MED13L: variants seen among roughly 807,000 people sequenced by gnomAD.
The protein encoded by MED13L is mediator of RNA polymerase II transcription subunit 13-like.
In MED13L, 7 loss-of-function variants were observed where a neutral mutation model predicts 220.9. The observed-to-expected ratio is 0.03, with a 90% CI of 0.02 to 0.06. The LOEUF is 0.06. Ranked by LOEUF, MED13L falls within the 10% of genes least tolerant of loss-of-function variation. The pLI, the probability that MED13L is intolerant of heterozygous loss-of-function variation, is 1.00. For synonymous variants in MED13L, 1,011 were observed against 1,015.2 expected (o/e 1.00, Z 0.08); for missense variants, 1,965 against 2,760.5 (o/e 0.71, Z 6.46).
At chr12:116,251,793 A>G (rs1233677605) in intron 1 of MED13L, among the ~76,000 whole-genome samples, 7 of 151,692 alleles carry the variant, frequency 4.6e-5, no homozygotes, top group Non-Finnish European at 8.8e-5. Flanking sequence ...ACTACATGTT[A>G]CCTACAAGAA....
chr12:116,181,255 C>T (rs1880499180), intron 2 of MED13L: 3 of 151,416 alleles, frequency 2.0e-5, no homozygotes, highest in South Asian at 2.1e-4. Flanking sequence ...ACAGTCCCCT[C>T]GAAATCTAAC....
chr12:115,975,083 T>C, intron 25 of MED13L, 88 bp downstream of exon 25: 6 of 1,345,368 alleles, frequency 4.5e-6, no homozygotes, highest in East Asian at 4.6e-5. Flanking sequence ...CTTACAAATT[T>C]AAACATTTTC....
intron 4 of MED13L, among the ~76,000 whole-genome samples, chr12:116,090,741 A>C (rs1872130638): frequency 6.6e-6 from 1 of 152,164 alleles, no homozygotes; most frequent in East Asian, 1.9e-4. Context: ...ACAAGGAGAG[A>C]TTTGTTTTGA....
intron 26 of MED13L, 41 bp from the exon 27 acceptor site, chr12:115,970,811 C>A (rs760590364): frequency 2.5e-6 from 4 of 1,585,170 alleles, no homozygotes; most frequent in South Asian, 1.1e-5. Flanking sequence ...CAATGAACAA[C>A]CCCAGAAATG....
chr12:115,995,102 A>G (rs1294690916), intron 16 of MED13L, among the ~76,000 whole-genome samples: 3 of 152,146 alleles, frequency 2.0e-5, no homozygotes, highest in African/African-American at 4.8e-5. Flanking sequence ...TCTTTCTGAC[A>G]CTGACTTTAT....
At chr12:116,161,637 C>A (rs980145895) in intron 2 of MED13L, among the ~76,000 whole-genome samples, 3 of 152,118 alleles carry the variant, frequency 2.0e-5, no homozygotes, top group African/African-American at 7.2e-5. Flanking sequence ...AACTACAATG[C>A]AAACAAGCAA....
chr12:116,167,992 AT>A (rs1050658324), intron 2 of MED13L, among the ~76,000 whole-genome samples: 5 of 152,188 alleles, frequency 3.3e-5, no homozygotes, highest in Non-Finnish European at 7.4e-5. Context: ...TTTAAAAAAA[AT>A]AAAAATCATT....
chr12:115,961,689 C>T, intron 30 of MED13L: 1 of 441,276 alleles, frequency 2.3e-6, no homozygotes. Flanking sequence ...CACTTAGGGG[C>T]CAGGTGCAGT....
intron 4 of MED13L, among the ~76,000 whole-genome samples, chr12:116,060,257 TA>T (rs112080904): frequency 8.5e-4 from 124 of 145,340 alleles, no homozygotes; most frequent in African/African-American, 2.6e-3. Context: ...AGCCTCAAAT[TA>T]AAAAAAAAAA....
chr12:116,080,976 AG>A (rs761892623), intron 4 of MED13L, among the ~76,000 whole-genome samples: 24 of 152,354 alleles, frequency 1.6e-4, no homozygotes, highest in Non-Finnish European at 2.5e-4. Context: ...AATAAAGTTC[AG>A]GAACTTCTGA....
intron 2 of MED13L, among the ~76,000 whole-genome samples, chr12:116,148,301 A>G (rs2138078641): frequency 6.6e-6 from 1 of 151,992 alleles, no homozygotes; most frequent in Middle Eastern, 3.4e-3. Flanking sequence ...AAAAAAGCCA[A>G]TATTAAATAC....
intron 4 of MED13L, among the ~76,000 whole-genome samples, chr12:116,036,889 A>G (rs1336575709): frequency 4.6e-5 from 7 of 152,222 alleles, no homozygotes; most frequent in African/African-American, 1.7e-4. Flanking sequence ...AGACAGTGGC[A>G]TTATAGTATC....
intron 2 of MED13L, 125 bp from the exon 3 acceptor site, chr12:116,111,637 C>G: frequency 1.4e-6 from 1 of 713,402 alleles, no homozygotes; most frequent in East Asian, 2.7e-5. Context: ...TAAATAATCT[C>G]ACGCTGAAAC....
At chr12:116,093,330 T>C (rs1475120389) in intron 4 of MED13L, among the ~76,000 whole-genome samples, 3 of 152,140 alleles carry the variant, frequency 2.0e-5, no homozygotes, top group Non-Finnish European at 4.4e-5. Flanking sequence ...GATGTCAATA[T>C]AGAGAAAAAA....
chr12:116,125,563 C>T (rs1180144581), intron 2 of MED13L, among the ~76,000 whole-genome samples: 2 of 152,120 alleles, frequency 1.3e-5, no homozygotes, highest in African/African-American at 4.8e-5. Context: ...TAGAATTACA[C>T]AAGCTTAAAA....
chr12:116,250,258 C>G (rs1212261994), intron 1 of MED13L, among the ~76,000 whole-genome samples: 1 of 150,828 alleles, frequency 6.6e-6, no homozygotes, highest in African/African-American at 2.4e-5. Flanking sequence ...ACTTTTAGAT[C>G]AAAGACGAAT....
chr12:116,263,014 T>C (rs955770283), intron 1 of MED13L, among the ~76,000 whole-genome samples: 8 of 152,210 alleles, frequency 5.3e-5, no homozygotes, highest in African/African-American at 1.7e-4. Context: ...TTTTAGTAAC[T>C]TAAATGTTAG....
chr12:116,050,465 C>A (rs932717431), intron 4 of MED13L, among the ~76,000 whole-genome samples: 1 of 152,010 alleles, frequency 6.6e-6, no homozygotes, highest in African/African-American at 2.4e-5. Context: ...ACTCTAATAA[C>A]CAGTGGCAGG....
chr12:115,972,041 G>A, intron 26 of MED13L, 37 bp downstream of exon 26: 2 of 1,606,866 alleles, frequency 1.2e-6, no homozygotes, highest in Non-Finnish European at 1.7e-6. Flanking sequence ...GAATTGATGT[G>A]ATATGTAATT....
Sources: allele counts gnomAD v4.1 joint callset (sites outside exome capture counted in the v4.1 genomes callset), GRCh38; gene constraint gnomAD v4.1.1; transcripts MANE v1.5; gene names NCBI Gene and HGNC (gene_info 2026-07-23, HGNC 2026-07-21).